The following NXPH1 variants were observed in gnomAD, a reference collection of about 807,000 sequenced individuals.
The protein encoded by NXPH1 is neurexophilin 1.
A neutral mutation model predicts 23.7 loss-of-function variants in NXPH1; 5 were observed. The observed-to-expected ratio is 0.21, with a 90% CI of 0.11 to 0.44. NXPH1 has a LOEUF of 0.44. NXPH1 is among the 20% of genes least tolerant of loss of function. The pLI is 0.99. For synonymous variants in NXPH1, 144 were observed against 122.2 expected (o/e 1.18, Z -1.18); for missense variants, 324 against 321.6 (o/e 1.01, Z -0.06).
intron 2 of NXPH1, among the ~76,000 whole-genome samples, chr7:8,689,024 A>C (rs1821188912): frequency 6.6e-6 from 1 of 152,108 alleles, no homozygotes; most frequent in Non-Finnish European, 1.5e-5. Context: ...AATTCATAGT[A>C]GTCTCTTTTT....
chr7:8,746,646 C>A (rs759972182), intron 2 of NXPH1, among the ~76,000 whole-genome samples: 4 of 152,092 alleles, frequency 2.6e-5, no homozygotes, highest in African/African-American at 4.8e-5. Context: ...TATATTGATG[C>A]TATCCTTAAT....
chr7:8,573,258 G>A (rs1333316561), intron 2 of NXPH1, among the ~76,000 whole-genome samples: 6 of 151,928 alleles, frequency 3.9e-5, no homozygotes, highest in Admixed American at 3.3e-4. Context: ...CAATATAATT[G>A]TCTAACTTTG....
At chr7:8,666,004 A>C (rs1364738035) in intron 2 of NXPH1, among the ~76,000 whole-genome samples, 2 of 146,616 alleles carry the variant, frequency 1.4e-5, no homozygotes, top group Non-Finnish European at 3.0e-5. Context: ...TTAGCATTTA[A>C]TTTCCAATTT....
At chr7:8,737,936 C>T (rs976317580) in intron 2 of NXPH1, among the ~76,000 whole-genome samples, 2 of 152,186 alleles carry the variant, frequency 1.3e-5, no homozygotes, top group Non-Finnish European at 2.9e-5. Context: ...GCTACTGATA[C>T]TCGTGTATGT....
At chr7:8,564,232 T>C (rs950663958) in intron 2 of NXPH1, among the ~76,000 whole-genome samples, 1 of 151,826 alleles carries the variant, frequency 6.6e-6, no homozygotes, top group African/African-American at 2.4e-5. Flanking sequence ...CCTAGCCTCC[T>C]ATAGCAAAAC....
intron 2 of NXPH1, among the ~76,000 whole-genome samples, chr7:8,501,380 G>T (rs1362589928): frequency 6.6e-6 from 1 of 151,900 alleles, no homozygotes; most frequent in Non-Finnish European, 1.5e-5. Context: ...TGAGTGCCTG[G>T]ACACAGTGAT....
chr7:8,737,513 A>T (rs1780281727), intron 2 of NXPH1, among the ~76,000 whole-genome samples: 1 of 152,148 alleles, frequency 6.6e-6, no homozygotes, highest in South Asian at 2.1e-4. Context: ...TCTTAGTCTG[A>T]TGGGCTTCCC....
chr7:8,481,029 G>A (rs1377646903), intron 2 of NXPH1, among the ~76,000 whole-genome samples: 1 of 152,188 alleles, frequency 6.6e-6, no homozygotes, highest in Admixed American at 6.6e-5. Flanking sequence ...TCGGTGCTCA[G>A]GATGAGGATC....
In NXPH1 at chr7:8,480,223, G is replaced by A. The variant is rs114957756; in HGVS notation, c.54+44456G>A. Among the ~76,000 whole-genome samples the A allele has an allele frequency of 6.7e-3, 1,023 of 152,138 alleles. 10 individuals are homozygous for A. Among genetic ancestry groups the A allele is most frequent in the African/African-American group, 0.023 (948 of 41,520 alleles). On this transcript the variant is annotated intron_variant, in intron 2 of 2. Coordinates refer to ENST00000405863, the MANE Select transcript of NXPH1 (RefSeq NM_152745.3). ...TCATTAAACTATACATATATTTTCT[G>A]TGTGGTTTTCTGTATTTGTTTTATT...
intron 2 of NXPH1, among the ~76,000 whole-genome samples, chr7:8,500,139 G>C (rs1327376308): frequency 6.6e-6 from 1 of 152,078 alleles, no homozygotes; most frequent in African/African-American, 2.4e-5. Context: ...CTCGCCATCA[G>C]GTCAAGATCC....
intron 2 of NXPH1, among the ~76,000 whole-genome samples, chr7:8,453,399 A>T (rs1292194108): frequency 1.3e-5 from 2 of 152,152 alleles, no homozygotes; most frequent in Non-Finnish European, 2.9e-5. Context: ...GAAATGCATC[A>T]TTGGTTGCCA....
intron 2 of NXPH1, among the ~76,000 whole-genome samples, chr7:8,552,594 G>C (rs1325184481): frequency 6.6e-6 from 1 of 151,430 alleles, no homozygotes; most frequent in Non-Finnish European, 1.5e-5. Flanking sequence ...GTAGAGTTAT[G>C]ATTTCTTGAA....
rs570337145 is a variant in NXPH1 at position 8,737,343 on chromosome 7, C to A, written c.55-13665C>A. Among the ~76,000 whole-genome samples, 3 of 152,292 alleles carry A rather than the reference C, an allele frequency of 2.0e-5. No homozygotes were observed. The East Asian group carries it at 5.8e-4, about 29-fold the overall frequency. Reference sequence around the variant, plus strand: ...CAGGCCTGGTGGTGACAAGATATCTCAGCATTTGCTTGTCTGTAAAGGATT... The same window carrying A: ...CAGGCCTGGTGGTGACAAGATATCTAAGCATTTGCTTGTCTGTAAAGGATT... On this transcript the variant is annotated intron_variant, in intron 2 of 2. Coordinates refer to ENST00000405863, the MANE Select transcript of NXPH1 (RefSeq NM_152745.3).
intron 2 of NXPH1, among the ~76,000 whole-genome samples, chr7:8,580,194 C>A (rs1355078970): frequency 2.0e-5 from 3 of 152,262 alleles, no homozygotes; most frequent in Admixed American, 2.0e-4. Flanking sequence ...AGGAAGGTAG[C>A]TTATGCAGCA....
chr7:8,493,250 A>C (rs1817281908), intron 2 of NXPH1, among the ~76,000 whole-genome samples: 1 of 152,034 alleles, frequency 6.6e-6, no homozygotes, highest in Non-Finnish European at 1.5e-5. Context: ...TCTCCTGCTA[A>C]GGCTCTGTAC....
At chr7:8,715,369 A>G (rs1198892147) in intron 2 of NXPH1, among the ~76,000 whole-genome samples, 1 of 152,154 alleles carries the variant, frequency 6.6e-6, no homozygotes, top group African/African-American at 2.4e-5. Flanking sequence ...TGCCTCTTTC[A>G]GTGATATGAA....
At chr7:8,542,906 G>A (rs914780510) in intron 2 of NXPH1, among the ~76,000 whole-genome samples, 1 of 151,576 alleles carries the variant, frequency 6.6e-6, no homozygotes, top group African/African-American at 2.4e-5. Context: ...TAAATGGAAG[G>A]AATTAGGAGA....
At chr7:8,676,098 T>C (rs1342235418) in intron 2 of NXPH1, among the ~76,000 whole-genome samples, 1 of 152,160 alleles carries the variant, frequency 6.6e-6, no homozygotes, top group Admixed American at 6.5e-5. Flanking sequence ...AAAATAAAAG[T>C]GTAAAGTTTT....
intron 2 of NXPH1, among the ~76,000 whole-genome samples, chr7:8,545,312 A>G (rs1818182766): frequency 6.6e-6 from 1 of 151,502 alleles, no homozygotes; most frequent in African/African-American, 2.4e-5. Flanking sequence ...GGGCCAGTTG[A>G]TCTTGTACAT....
Sources: gnomAD v4.1 joint callset for allele counts (sites outside exome capture counted in the v4.1 genomes callset) on GRCh38, gnomAD v4.1.1 for gene constraint, MANE v1.5 for transcripts, NCBI Gene and HGNC (gene_info 2026-07-23, HGNC 2026-07-21) for gene names.